Variants in CDH18 observed in about 807,000 individuals in gnomAD.
CDH18 encodes cadherin 18.
CDH18 carries 31 observed loss-of-function variants against 67.9 expected under a neutral mutation model. The observed-to-expected ratio is 0.46, with a 90% CI of 0.34 to 0.62. The LOEUF (loss-of-function observed/expected upper bound fraction) is 0.62, where lower values mean the gene tolerates loss of function less well. Ranked by LOEUF, CDH18 falls within the 20% of genes least tolerant of loss-of-function variation. The pLI is 0.01. For missense variants in CDH18, 890 were observed against 975.5 expected (o/e 0.91, Z 1.17); for synonymous variants, 362 against 347.2 (o/e 1.04, Z -0.48).
At chr5:20,283,086 C>T (rs1396978364) in intron 1 of CDH18, among the ~76,000 whole-genome samples, 1 of 151,944 alleles carries the variant, frequency 6.6e-6, no homozygotes, top group Non-Finnish European at 1.5e-5. Context: ...TCAAACTAGA[C>T]CCCTGCTTCT....
intron 1 of CDH18, among the ~76,000 whole-genome samples, chr5:20,296,385 C>T (rs1747530008): frequency 6.6e-6 from 1 of 151,686 alleles, no homozygotes; most frequent in Non-Finnish European, 1.5e-5. Flanking sequence ...CCTCAGCCTC[C>T]TGAGTAGCTG....
At chr5:19,922,507 C>T (rs112929850) in intron 2 of CDH18, among the ~76,000 whole-genome samples, 3 of 152,328 alleles carry the variant, frequency 2.0e-5, no homozygotes, top group African/African-American at 7.2e-5. Flanking sequence ...AATATTATAT[C>T]TTTGATCCTG....
chr5:20,321,653 C>T (rs1040306682), intron 1 of CDH18, among the ~76,000 whole-genome samples: 1 of 151,930 alleles, frequency 6.6e-6, no homozygotes, highest in African/African-American at 2.4e-5. Context: ...CTTCCTTTTC[C>T]TTTATTCTCT....
intron 6 of CDH18, among the ~76,000 whole-genome samples, chr5:19,606,944 C>A (rs1748143522): frequency 1.3e-5 from 2 of 151,526 alleles, no homozygotes; most frequent in African/African-American, 4.8e-5. Flanking sequence ...CAATAAACTA[C>A]AGTAAACTAT....
In CDH18 at chr5:20,340,932, T is replaced by C. The variant is rs538468362; in HGVS notation, c.-579-85427A>G. Among the ~76,000 whole-genome samples the C allele has an allele frequency of 2.3e-3, 348 of 152,286 alleles. 3 individuals carry two copies. The highest frequency in any genetic ancestry group is 4.6e-3 in the South Asian group (22 of 4,824). On this transcript the variant is annotated intron_variant, in intron 1 of 14. Coordinates refer to the CDH18 transcript ENST00000507958. ...AACTGCTTTGCTAGGTAGGGATCTC[T>C]TAGCTCCTATGGGACTGATCATCCT...
In CDH18 at chr5:20,179,085, G is replaced by A. The variant is rs187275365; in HGVS notation, c.-518+76359C>T. On this transcript the variant is annotated intron_variant, in intron 2 of 14. Coordinates refer to the CDH18 transcript ENST00000507958. ...ATAGTAGAGTGAGTTTTAAGTCATC[G>A]TGAAGAGGTAAATAATTTATGTACG... Among the ~76,000 whole-genome samples the A allele has an allele frequency of 9.5e-4, 145 of 152,168 alleles. 1 individual carries two copies. Among genetic ancestry groups the A allele is most frequent in the African/African-American group, 2.8e-3 (117 of 41,534 alleles).
intron 6 of CDH18, among the ~76,000 whole-genome samples, chr5:19,611,946 ATGCGTGTG>A (rs1426798171): frequency 1.8e-5 from 1 of 54,484 alleles, no homozygotes; most frequent in Non-Finnish European, 4.2e-5. Context: ...CTTTTGGATG[ATGCGTGTG>A]TGTGTGTGTG....
At chr5:19,596,708 A>C (rs1415873625) in intron 6 of CDH18, among the ~76,000 whole-genome samples, 1 of 152,240 alleles carries the variant, frequency 6.6e-6, no homozygotes, top group Non-Finnish European at 1.5e-5. Context: ...TATGAAACAG[A>C]TTCCTGGTAC....
At chr5:20,443,207 C>CTCAAAAAAAAA (rs1491460573) in intron 1 of CDH18, among the ~76,000 whole-genome samples, 871 of 25,148 alleles carry the variant, frequency 0.035, 106 homozygotes, top group Middle Eastern at 0.056. Context: ...GAGACTCCGT[C>CTCAAAAAAAAA]ACAAAAAAAA....
At chr5:19,902,973 A>C (rs1790109337) in intron 2 of CDH18, among the ~76,000 whole-genome samples, 1 of 152,118 alleles carries the variant, frequency 6.6e-6, no homozygotes, top group Non-Finnish European at 1.5e-5. Context: ...CATTTTCATT[A>C]TAAAGTATTA....
chr5:20,171,767 T>C (rs1736733865), intron 2 of CDH18, among the ~76,000 whole-genome samples: 1 of 152,054 alleles, frequency 6.6e-6, no homozygotes, highest in South Asian at 2.1e-4. Context: ...TTAATTTTGG[T>C]ATCTTCATTA....
chr5:19,573,490 G>A (rs1287920728), intron 7 of CDH18, among the ~76,000 whole-genome samples: 4 of 152,122 alleles, frequency 2.6e-5, no homozygotes, highest in African/African-American at 7.2e-5. Context: ...GTGTTAGCCA[G>A]GATGGTCTCG....
At chr5:20,049,345 C>G (rs1320938559) in intron 2 of CDH18, among the ~76,000 whole-genome samples, 1 of 151,446 alleles carries the variant, frequency 6.6e-6, no homozygotes, top group East Asian at 1.9e-4. Flanking sequence ...GACACTGGAG[C>G]CTACCAGAAG....
intron 7 of CDH18, among the ~76,000 whole-genome samples, chr5:19,582,860 A>G (rs755815224): frequency 6.6e-6 from 1 of 151,930 alleles, no homozygotes; most frequent in Non-Finnish European, 1.5e-5. Flanking sequence ...ATGCAAGTCA[A>G]AGGAATGACA....
intron 2 of CDH18, among the ~76,000 whole-genome samples, chr5:19,860,887 T>A (rs1423009878): frequency 6.6e-6 from 1 of 152,170 alleles, no homozygotes; most frequent in East Asian, 1.9e-4. Flanking sequence ...AATTACTTGT[T>A]TCTTTTTCAC....
chr5:20,484,031 A>G (rs538063887), intron 1 of CDH18, among the ~76,000 whole-genome samples: 1 of 152,218 alleles, frequency 6.6e-6, no homozygotes, highest in East Asian at 1.9e-4. Flanking sequence ...CAAACTATCC[A>G]TCTGACAAAG....
At chr5:20,510,350 T>C (rs1754956377) in intron 1 of CDH18, among the ~76,000 whole-genome samples, 1 of 152,148 alleles carries the variant, frequency 6.6e-6, no homozygotes, top group Non-Finnish European at 1.5e-5. Flanking sequence ...AGGCGCCCCT[T>C]CCTCTGTTGT....
intron 2 of CDH18, among the ~76,000 whole-genome samples, chr5:20,239,970 T>C (rs1742769870): frequency 6.6e-6 from 1 of 151,814 alleles, no homozygotes; most frequent in South Asian, 2.1e-4. Context: ...TGAATTACAC[T>C]AAATTGAAGT....
chr5:19,605,456 T>C (rs938796402), intron 6 of CDH18, among the ~76,000 whole-genome samples: 26 of 151,988 alleles, frequency 1.7e-4, no homozygotes, highest in African/African-American at 5.3e-4. Flanking sequence ...AATAATTTCA[T>C]CTTTATTTTA....
Sources: allele counts gnomAD v4.1 joint callset (sites outside exome capture counted in the v4.1 genomes callset), GRCh38; gene constraint gnomAD v4.1.1; transcripts MANE v1.5; gene names NCBI Gene and HGNC (gene_info 2026-07-23, HGNC 2026-07-21).